Variants in ADGRL3 observed in about 807,000 individuals in gnomAD.
The protein encoded by ADGRL3 is calcium-independent alpha-latrotoxin receptor 3.
A neutral mutation model predicts 153.5 loss-of-function variants in ADGRL3; 62 were observed. That is an observed-to-expected ratio of 0.40 (90% CI 0.33 to 0.50). The LOEUF is 0.50. Among genes scored for constraint, ADGRL3 ranks in the 20% least tolerant of loss-of-function variants. ADGRL3 has a pLI of 0.47. For synonymous variants in ADGRL3, 710 were observed against 672.5 expected, an observed-to-expected ratio of 1.06 and a Z score of -0.86; for missense variants, 1,641 against 1,859.4, an observed-to-expected ratio of 0.88 and a Z score of 2.16.
chr4:61,753,428 T>C (rs1333396020), intron 8 of ADGRL3, among the ~76,000 whole-genome samples: 1 of 152,044 alleles, frequency 6.6e-6, no homozygotes, highest in Non-Finnish European at 1.5e-5. Context: ...GATGAAAGAG[T>C]TACGGTTACT....
chr4:61,498,656 T>A (rs992566948), intron 3 of ADGRL3, among the ~76,000 whole-genome samples: 2 of 152,154 alleles, frequency 1.3e-5, no homozygotes, highest in African/African-American at 4.8e-5. Flanking sequence ...TTAATAGACA[T>A]GTATACTTAA....
At chr4:61,348,042 A>C (rs2095960262) in intron 1 of ADGRL3, among the ~76,000 whole-genome samples, 1 of 152,036 alleles carries the variant, frequency 6.6e-6, no homozygotes, top group Non-Finnish European at 1.5e-5. Flanking sequence ...CTCATCATCT[A>C]AAACCAGAAA....
intron 21 of ADGRL3, among the ~76,000 whole-genome samples, chr4:62,021,092 A>T (rs1241859754): frequency 6.6e-6 from 1 of 152,174 alleles, no homozygotes; most frequent in Non-Finnish European, 1.5e-5. Flanking sequence ...ACTTTAAAAA[A>T]AAACCTAATA....
At chr4:61,705,069 A>G (rs1208421998) in intron 6 of ADGRL3, among the ~76,000 whole-genome samples, 1 of 152,120 alleles carries the variant, frequency 6.6e-6, no homozygotes, top group Non-Finnish European at 1.5e-5. Context: ...TGAGATTTAA[A>G]TCTCCTCCCA....
intron 4 of ADGRL3, among the ~76,000 whole-genome samples, chr4:61,557,964 G>A (rs1177120619): frequency 1.3e-5 from 2 of 151,464 alleles, no homozygotes; most frequent in African/African-American, 4.8e-5. Flanking sequence ...AAAATCCATT[G>A]TGCAACTTAC....
At chr4:61,694,132 A>G (rs919814408) in intron 6 of ADGRL3, among the ~76,000 whole-genome samples, 2 of 139,574 alleles carry the variant, frequency 1.4e-5, no homozygotes, top group Non-Finnish European at 3.1e-5. Flanking sequence ...CCATTATATT[A>G]TATCATGCTA....
intron 19 of ADGRL3, among the ~76,000 whole-genome samples, chr4:61,987,518 C>T (rs2099089996): frequency 6.6e-6 from 1 of 152,044 alleles, no homozygotes. Context: ...TCCCTGCTCA[C>T]CACGTGCATC....
At chr4:61,996,504 CA>C (rs2099122168) in intron 20 of ADGRL3, 147 bp downstream of exon 20, 1 of 600,208 alleles carries the variant, frequency 1.7e-6, no homozygotes, top group Non-Finnish European at 3.0e-6. Flanking sequence ...ATTAAACACT[CA>C]TTATAGTCTA....
chr4:61,238,963 G>A (rs554307823), intron 1 of ADGRL3, among the ~76,000 whole-genome samples: 23 of 152,002 alleles, frequency 1.5e-4, no homozygotes, highest in African/African-American at 5.1e-4. Context: ...CTCTTATTCC[G>A]GAGCTGCAGG....
intron 9 of ADGRL3, 145 bp downstream of exon 9, chr4:61,814,034 C>T (rs1580958830): frequency 9.6e-7 from 1 of 1,043,638 alleles, no homozygotes; most frequent in African/African-American, 1.6e-5. Context: ...GGAGATAAAG[C>T]AAGTCTCATT....
At chr4:61,342,038 T>C (rs959186547) in intron 1 of ADGRL3, among the ~76,000 whole-genome samples, 1 of 152,188 alleles carries the variant, frequency 6.6e-6, no homozygotes, top group Non-Finnish European at 1.5e-5. Flanking sequence ...ATATTCATTG[T>C]AGAAATTTTA....
chr4:61,469,747 C>T (rs185148926), intron 2 of ADGRL3, among the ~76,000 whole-genome samples: 15 of 151,930 alleles, frequency 9.9e-5, no homozygotes, highest in Admixed American at 8.5e-4. Context: ...GAATGTTGCA[C>T]AAAATACAAG....
chr4:61,479,324 A>C (rs574376800), intron 2 of ADGRL3, among the ~76,000 whole-genome samples: 1 of 152,236 alleles, frequency 6.6e-6, no homozygotes, highest in South Asian at 2.1e-4. Flanking sequence ...ATGTTTAAAC[A>C]TATAAATACA....
intron 13 of ADGRL3, among the ~76,000 whole-genome samples, chr4:61,915,698 C>A (rs995734726): frequency 2.6e-5 from 4 of 152,182 alleles, no homozygotes; most frequent in Non-Finnish European, 5.9e-5. Context: ...TGCACTACCT[C>A]TCTTCCTCTT....
chr4:61,871,740 G>A (rs1823536), intron 9 of ADGRL3, among the ~76,000 whole-genome samples: 118,926 of 152,036 alleles, frequency 0.78, 46,814 homozygotes, highest in South Asian at 0.84. Flanking sequence ...TGTACACTTA[G>A]GTAGCTGAAT....
rs76582898 is a variant in ADGRL3, at chr4:61,418,112, G to A, written c.-174+34923G>A. Among the ~76,000 whole-genome samples the A allele has an allele frequency of 5.8e-3, 876 of 152,214 alleles. 11 individuals are homozygous for A. Among genetic ancestry groups the A allele is most frequent in the African/African-American group, 0.019 (787 of 41,532 alleles). On this transcript the variant is annotated intron_variant, in intron 2 of 26. Transcript: ENST00000683033. Reference sequence around the variant, plus strand: ...AGTGCCTGCCAGTTTCGGTGCTCTCGCTAGAGAAAGAGAAGAGCAAGAAGC... The same window carrying A: ...AGTGCCTGCCAGTTTCGGTGCTCTCACTAGAGAAAGAGAAGAGCAAGAAGC...
chr4:61,772,657 T>C (rs1175637906), intron 8 of ADGRL3, among the ~76,000 whole-genome samples: 1 of 152,134 alleles, frequency 6.6e-6, no homozygotes, highest in African/African-American at 2.4e-5. Flanking sequence ...CAAAGCCTAT[T>C]CATTCTGATT....
chr4:61,811,272 C>G (rs2097614299), intron 8 of ADGRL3, among the ~76,000 whole-genome samples: 1 of 151,804 alleles, frequency 6.6e-6, no homozygotes, highest in South Asian at 2.1e-4. Context: ...TGTAGTATGT[C>G]TATGCAATAG....
chr4:61,328,478 GCTATGA>G (rs1262741968), intron 1 of ADGRL3, among the ~76,000 whole-genome samples: 1 of 152,082 alleles, frequency 6.6e-6, no homozygotes, highest in Non-Finnish European at 1.5e-5. Context: ...CAGAAACACA[GCTATGA>G]CTTAAGGCAT....
Sources: gnomAD v4.1 joint callset for allele counts (sites outside exome capture counted in the v4.1 genomes callset) on GRCh38, gnomAD v4.1.1 for gene constraint, MANE v1.5 for transcripts, NCBI Gene and HGNC (gene_info 2026-07-23, HGNC 2026-07-21) for gene names.